The following BMAL1 variants were observed in gnomAD, a reference collection of about 807,000 sequenced individuals.
The protein encoded by BMAL1 is basic helix-loop-helix ARNT-like protein 1.
At chr11:13,283,221 C>T in the BMAL1 span, among the ~76,000 whole-genome samples, 1 of 152,120 alleles carries the variant, frequency 6.6e-6, no homozygotes, top group Non-Finnish European at 1.5e-5. Flanking sequence ...ATTGCTCTAC[C>T]CACTGGGTTT....
chr11:13,294,516 C>G, the BMAL1 span, among the ~76,000 whole-genome samples: 1 of 152,186 alleles, frequency 6.6e-6, no homozygotes, highest in Non-Finnish European at 1.5e-5. Context: ...CTGGCTTGGA[C>G]TATAAACTGT....
At chr11:13,281,536 T>C in the BMAL1 span, among the ~76,000 whole-genome samples, 112 of 152,300 alleles carry the variant, frequency 7.4e-4, 1 homozygote, top group Admixed American at 7.1e-3. Context: ...TTTATTTTTT[T>C]AAACATGGTC....
chr11:13,364,035 C>T, the BMAL1 span, among the ~76,000 whole-genome samples: 1 of 152,206 alleles, frequency 6.6e-6, no homozygotes, highest in African/African-American at 2.4e-5. Flanking sequence ...AGCATTACCT[C>T]CAGGGTGTCA....
At chr11:13,376,516 A>G in the BMAL1 span, 1 of 905,082 alleles carries the variant, frequency 1.1e-6, no homozygotes, top group Admixed American at 1.7e-5. Flanking sequence ...ACCCACTCAG[A>G]CAGACACTTC....
the BMAL1 span, among the ~76,000 whole-genome samples, chr11:13,284,248 A>ATGTGTG: frequency 3.0e-4 from 7 of 23,716 alleles, no homozygotes; most frequent in African/African-American, 7.9e-4. Flanking sequence ...ATATATATAT[A>ATGTGTG]TATATATATA....
At chr11:13,333,869 G>A in the BMAL1 span, among the ~76,000 whole-genome samples, 2 of 152,208 alleles carry the variant, frequency 1.3e-5, no homozygotes, top group Non-Finnish European at 2.9e-5. Context: ...TTAGAAGTTT[G>A]AAGGTAGTGC....
the BMAL1 span, among the ~76,000 whole-genome samples, chr11:13,280,347 T>C: frequency 6.6e-6 from 1 of 152,246 alleles, no homozygotes; most frequent in Non-Finnish European, 1.5e-5. Flanking sequence ...CAACAATCTC[T>C]GTGGAATTTA....
At chr11:13,372,494 G>C in the BMAL1 span, 1 of 1,550,244 alleles carries the variant, frequency 6.5e-7, no homozygotes, top group East Asian at 2.3e-5. Flanking sequence ...TGGGCCATCA[G>C]CTGGCTTTTC....
At chr11:13,383,919 A>G in the BMAL1 span, among the ~76,000 whole-genome samples, 1 of 152,226 alleles carries the variant, frequency 6.6e-6, no homozygotes, top group Non-Finnish European at 1.5e-5. Flanking sequence ...TACTTTTATA[A>G]AATTCTCAAG....
the BMAL1 span, chr11:13,366,817 G>C: frequency 6.3e-7 from 1 of 1,580,204 alleles, no homozygotes; most frequent in South Asian, 1.1e-5. Context: ...TTCCTCAGCA[G>C]CCCACTCACA....
chr11:13,341,901 G>A, the BMAL1 span, among the ~76,000 whole-genome samples: 2 of 152,374 alleles, frequency 1.3e-5, no homozygotes, highest in Admixed American at 1.3e-4. Flanking sequence ...GCAGGGGCAT[G>A]TCAAGGCCAA....
At chr11:13,335,086 G>A in the BMAL1 span, among the ~76,000 whole-genome samples, 1 of 152,296 alleles carries the variant, frequency 6.6e-6, no homozygotes, top group Admixed American at 6.5e-5. Flanking sequence ...AAAAGCACTG[G>A]ATAAAATCTG....
At chr11:13,305,260 A>G in the BMAL1 span, among the ~76,000 whole-genome samples, 1 of 152,158 alleles carries the variant, frequency 6.6e-6, no homozygotes, top group African/African-American at 2.4e-5. Context: ...AGAGCAAAAC[A>G]ATATATCATC....
the BMAL1 span, among the ~76,000 whole-genome samples, chr11:13,294,874 A>G: frequency 1.3e-5 from 2 of 152,058 alleles, no homozygotes; most frequent in Admixed American, 1.3e-4. Context: ...CATGTTCACA[A>G]TATTGTTGAT....
the BMAL1 span, chr11:13,349,962 A>G: frequency 6.6e-6 from 1 of 152,168 alleles, no homozygotes; most frequent in Non-Finnish European, 1.5e-5. Context: ...GAAGAAGCTG[A>G]CCGCCTGAAA....
At chr11:13,315,603 C>CCTTT in the BMAL1 span, among the ~76,000 whole-genome samples, 496 of 152,268 alleles carry the variant, frequency 3.3e-3, 3 homozygotes, top group African/African-American at 0.011. Flanking sequence ...ACGCTCTGAC[C>CCTTT]CTTCTATACG....
At chr11:13,376,868 T>A in the BMAL1 span, 1 of 723,012 alleles carries the variant, frequency 1.4e-6, no homozygotes, top group Admixed American at 2.9e-5. Context: ...ATGTGCGGAT[T>A]TCCCCATGAA....
the BMAL1 span, chr11:13,369,598 T>G: frequency 6.2e-7 from 1 of 1,613,550 alleles, no homozygotes; most frequent in East Asian, 2.2e-5. Flanking sequence ...GTTTATCACA[T>G]TTTGTGTATT....
the BMAL1 span, chr11:13,309,942 G>A: frequency 3.3e-5 from 5 of 152,718 alleles, no homozygotes; most frequent in East Asian, 9.6e-4. Context: ...AAACTTATTG[G>A]GTGCTATGAA....
Sources: gnomAD v4.1 joint callset for allele counts (sites outside exome capture counted in the v4.1 genomes callset) on GRCh38, gnomAD v4.1.1 for gene constraint, MANE v1.5 for transcripts, NCBI Gene and HGNC (gene_info 2026-07-23, HGNC 2026-07-21) for gene names.